Variants in FOXO1 observed in about 807,000 individuals in gnomAD.
FOXO1 encodes forkhead box protein O1.
In FOXO1, 6 loss-of-function variants were observed where a neutral mutation model predicts 44.1. That is an observed-to-expected ratio of 0.14 (90% CI 0.07 to 0.27). The LOEUF (loss-of-function observed/expected upper bound fraction) is 0.27. Ranked by LOEUF, FOXO1 falls within the 10% of genes least tolerant of loss-of-function variation. FOXO1 has a pLI of 1.00. For missense variants in FOXO1, 737 were observed against 888.8 expected, an observed-to-expected ratio of 0.83 and a Z score of 2.17; for synonymous variants, 380 against 362.7, an observed-to-expected ratio of 1.05 and a Z score of -0.54.
chr13:40,561,976 T>C (rs888613126), intron 1 of FOXO1, among the ~76,000 whole-genome samples: 15 of 146,498 alleles, frequency 1.0e-4, no homozygotes, highest in African/African-American at 3.8e-4. Flanking sequence ...TATAGAAATA[T>C]AGAGCTGATC....
intron 1 of FOXO1, among the ~76,000 whole-genome samples, chr13:40,640,862 C>A (rs189312729): frequency 9.9e-5 from 15 of 152,252 alleles, no homozygotes; most frequent in African/African-American, 3.1e-4. Context: ...CGGCTTACTG[C>A]AACCTCTGCC....
rs144375783 is a variant in FOXO1 at position 40,617,144 on chromosome 13, G to A, written c.630+48439C>T. 1.4e-3 allele frequency among the ~76,000 whole-genome samples: 207 copies of A among 152,320 alleles called. 4 individuals are homozygous for A. In the East Asian group the frequency reaches 0.033, roughly 24 times the overall value. On this transcript the variant is annotated intron_variant, in intron 1 of 2. Transcript: ENST00000379561. ...ACAGTTTAGGGAACAATCTATCCTTGACCAATAACAAAGGTGAAAGGCCAG... is the reference window on the plus strand; with the variant it reads ...ACAGTTTAGGGAACAATCTATCCTTAACCAATAACAAAGGTGAAAGGCCAG...
chr13:40,659,314 CA>C lies in FOXO1; in HGVS notation c.630+6268del, dbSNP rs1210028542. 2.4e-3 allele frequency among the ~76,000 whole-genome samples: 214 copies of C among 87,596 alleles called. 3 individuals are homozygous for C. In the East Asian group the frequency reaches 0.025, roughly 10 times the overall value. The allele number at this position is 87,596 out of a possible 152,430, so 57.5% of individuals were successfully genotyped here. ...TGGGTGACAGAGCAAGACTCCGTCT[CA>C]AAAAAAAAAAAAAAAAGAAAAGAAA... On this transcript the variant is annotated intron_variant, in intron 1 of 2. Transcript: ENST00000379561.
chr13:40,634,544 A>C (rs935938927), intron 1 of FOXO1, among the ~76,000 whole-genome samples: 1 of 152,216 alleles, frequency 6.6e-6, no homozygotes, highest in Admixed American at 6.5e-5. Flanking sequence ...GGGAGGCTTA[A>C]GGCAGGGCAA....
intron 1 of FOXO1, among the ~76,000 whole-genome samples, chr13:40,603,312 C>A (rs1396652201): frequency 6.9e-6 from 1 of 144,376 alleles, no homozygotes; most frequent in African/African-American, 2.6e-5. Context: ...CAATCTCAAT[C>A]CAATCCAAAC....
intron 1 of FOXO1, among the ~76,000 whole-genome samples, chr13:40,615,471 G>T (rs748835160): frequency 2.6e-5 from 4 of 152,100 alleles, no homozygotes; most frequent in Non-Finnish European, 5.9e-5. Context: ...GGTGGAGGTT[G>T]CAGTGAGCCA....
chr13:40,560,773 T>C lies in FOXO1; in HGVS notation c.718A>G (p.Asn240Asp). 6.2e-7 allele frequency: 1 copy of C among 1,614,192 alleles called. No individual in the cohort carries two copies. Reference protein sequence around the residue: ...GTGKSSWWMLNPEGGKSGKSP... With the variant: ...GTGKSSWWMLDPEGGKSGKSP... Reference sequence around the variant, plus strand: ...TTCCCGCTCTTGCCACCCTCTGGATTGAGCATCCACCAAGAACTTTTTCCA... The same window carrying C: ...TTCCCGCTCTTGCCACCCTCTGGATCGAGCATCCACCAAGAACTTTTTCCA... Residue 240 changes from asparagine to aspartate, a missense_variant, in exon 2 of 3, where the codon AAT becomes GAT. This residue lies in a region of FOXO1 where 136 missense variants were observed against 186.4 expected (regional missense o/e 0.73). Transcript: ENST00000379561. This position sits in a 1 kb window ranked among gnomAD's most constrained non-coding sequence, Gnocchi z 5.1.
chr13:40,609,252 C>G (rs1244480096), intron 1 of FOXO1, among the ~76,000 whole-genome samples: 4 of 151,952 alleles, frequency 2.6e-5, no homozygotes, highest in African/African-American at 9.7e-5. Flanking sequence ...GGTAGAATAC[C>G]AAACTGGGAG....
At chr13:40,645,926 C>CA (rs913365482) in intron 1 of FOXO1, among the ~76,000 whole-genome samples, 26 of 151,916 alleles carry the variant, frequency 1.7e-4, no homozygotes, top group African/African-American at 6.3e-4. Flanking sequence ...ACTAGCCGGG[C>CA]ATGGTGGCGC....
At position 40,666,565 on chromosome 13, in the gene FOXO1, G is replaced by A. The variant is rs559350211; in HGVS notation, c.-353C>T. On this transcript the variant is annotated 5_prime_UTR_variant, in exon 1 of 3. Coordinates refer to ENST00000379561, the MANE Select transcript of FOXO1 (RefSeq NM_002015.4). Reference sequence around the variant, plus strand: ...GCTTGCTCTCCCCAGCGGCGCGCCCGCTGCGCTGCTGCCTGTTGAATGTGG... The same window carrying A: ...GCTTGCTCTCCCCAGCGGCGCGCCCACTGCGCTGCTGCCTGTTGAATGTGG... 3 of 230,254 alleles carry A rather than the reference G, an allele frequency of 1.3e-5. No homozygotes were observed. The highest frequency in any genetic ancestry group is 5.7e-5 in the Admixed American group (1 of 17,498). 14.3% of individuals were successfully genotyped at this position (230,254 alleles called of 1,614,324 possible). A position where few individuals can be genotyped will look rare whatever the true frequency, so the allele number is the denominator to read the frequency against.
intron 1 of FOXO1, among the ~76,000 whole-genome samples, chr13:40,661,416 T>C (rs1170190081): frequency 2.0e-5 from 3 of 151,910 alleles, no homozygotes; most frequent in Admixed American, 6.6e-5. Context: ...GTTGGGATTA[T>C]TGGCACGATA....
intron 1 of FOXO1, among the ~76,000 whole-genome samples, chr13:40,645,917 C>G (rs993108589): frequency 6.6e-6 from 1 of 151,836 alleles, no homozygotes; most frequent in African/African-American, 2.4e-5. Context: ...AAATACAAAA[C>G]TAGCCGGGCA....
At chr13:40,657,731 C>T (rs1877902676) in intron 1 of FOXO1, among the ~76,000 whole-genome samples, 1 of 152,194 alleles carries the variant, frequency 6.6e-6, no homozygotes, top group Non-Finnish European at 1.5e-5. Context: ...TAGTTACTTA[C>T]ACATTGCATC....
chr13:40,594,725 A>T (rs1875513303), intron 1 of FOXO1, among the ~76,000 whole-genome samples: 1 of 152,108 alleles, frequency 6.6e-6, no homozygotes, highest in Non-Finnish European at 1.5e-5. Context: ...TTGCTCTGAC[A>T]CCCAGGCTGG....
chr13:40,641,693 A>C (rs889621310), intron 1 of FOXO1, among the ~76,000 whole-genome samples: 1 of 152,152 alleles, frequency 6.6e-6, no homozygotes, highest in African/African-American at 2.4e-5. Context: ...TAGGTTAAAA[A>C]CCCACTGACA....
intron 1 of FOXO1, among the ~76,000 whole-genome samples, chr13:40,638,868 G>A (rs1362933754): frequency 6.6e-6 from 1 of 152,006 alleles, no homozygotes; most frequent in Non-Finnish European, 1.5e-5. Context: ...AAGGAAGGGG[G>A]GCAGGGCAGC....
At chr13:40,633,503 A>G (rs901419340) in intron 1 of FOXO1, among the ~76,000 whole-genome samples, 2 of 152,220 alleles carry the variant, frequency 1.3e-5, no homozygotes, top group Non-Finnish European at 2.9e-5. Context: ...ATGCTAAGTC[A>G]AAGAAGCCAG....
chr13:40,607,030 A>G lies in FOXO1; in HGVS notation c.631-46170T>C, dbSNP rs141893274. Among the ~76,000 whole-genome samples the G allele has an allele frequency of 3.7e-4, 57 of 152,246 alleles. 1 individual carries two copies. Among genetic ancestry groups the G allele is most frequent in the African/African-American group, 1.2e-3 (49 of 41,538 alleles). Reference sequence around the variant, plus strand: ...TTAGGCCCCCAAAAAATATTGTGCCACTTCACCCTTCCCAGAAAGCTCTCT... The same window carrying G: ...TTAGGCCCCCAAAAAATATTGTGCCGCTTCACCCTTCCCAGAAAGCTCTCT... On this transcript the variant is annotated intron_variant, in intron 1 of 2. Coordinates refer to ENST00000379561, the MANE Select transcript of FOXO1 (RefSeq NM_002015.4).
In FOXO1 at chr13:40,597,154, TACAG is replaced by T. The variant is rs1293702098; in HGVS notation, c.631-36298_631-36295del. ...AGCAAAAAACTACAAAACCGCTGTT[TACAG>T]ACAGTTACACGTGATTAATGCTTTA... On this transcript the variant is annotated intron_variant, in intron 1 of 2. Coordinates refer to ENST00000379561, the MANE Select transcript of FOXO1 (RefSeq NM_002015.4). Among the ~76,000 whole-genome samples, 21 of 152,064 alleles carry T rather than the reference TACAG, an allele frequency of 1.4e-4. No homozygotes were observed. The South Asian group carries it at 2.3e-3, about 17-fold the overall frequency.
Sources: allele counts gnomAD v4.1 joint callset (sites outside exome capture counted in the v4.1 genomes callset), GRCh38; gene constraint gnomAD v4.1.1; regional missense constraint gnomAD v4.1.1; non-coding constraint Gnocchi (gnomAD v3.1); transcripts MANE v1.5; gene names NCBI Gene and HGNC (gene_info 2026-07-23, HGNC 2026-07-21).